The following PCED1B variants were observed in gnomAD, a reference collection of about 807,000 sequenced individuals.
The protein encoded by PCED1B is PC-esterase domain containing 1B.
For synonymous variants in PCED1B, 251 were observed against 246.1 expected, an observed-to-expected ratio of 1.02 and a Z score of -0.19; for missense variants, 573 against 573.9, an observed-to-expected ratio of 1.00 and a Z score of 0.02.
chr12:47,231,907 T>C (rs1943819954), intron 3 of PCED1B, among the ~76,000 whole-genome samples: 1 of 152,148 alleles, frequency 6.6e-6, no homozygotes, highest in Non-Finnish European at 1.5e-5. Flanking sequence ...CGTCTTCACA[T>C]TTTGCACTTT....
chr12:47,127,576 G>C (rs1425874212), intron 2 of PCED1B, among the ~76,000 whole-genome samples: 4 of 151,716 alleles, frequency 2.6e-5, no homozygotes, highest in Non-Finnish European at 5.9e-5. Context: ...GTGTTAGCCA[G>C]GATGGTCTCG....
intron 2 of PCED1B, among the ~76,000 whole-genome samples, chr12:47,169,473 A>G (rs1457261418): frequency 2.0e-5 from 3 of 152,138 alleles, no homozygotes; most frequent in Non-Finnish European, 4.4e-5. Context: ...AAGCTGCCAT[A>G]TTTTGGGGTA....
rs545704466 is a variant in PCED1B at position 47,168,314 on chromosome 12, A to G, written c.-525-47908A>G. Among the ~76,000 whole-genome samples the G allele has an allele frequency of 5.3e-5, 8 of 152,296 alleles. No homozygotes were observed. In the East Asian group the frequency reaches 1.5e-3, roughly 29 times the overall value. ...TTGTGTTAGCTTATATTTTGCAAGA[A>G]CATCATTTATTCCCTGTAGGTTTTT... is the stretch of plus-strand genomic sequence containing the variant. On this transcript the variant is annotated intron_variant, in intron 2 of 3. Coordinates refer to ENST00000546455, the MANE Select transcript of PCED1B (RefSeq NM_138371.3).
intron 2 of PCED1B, among the ~76,000 whole-genome samples, chr12:47,154,363 GGTTTT>G (rs1374803153): frequency 3.9e-5 from 6 of 152,014 alleles, no homozygotes; most frequent in Non-Finnish European, 5.9e-5. Flanking sequence ...AGGGAGCTGG[GGTTTT>G]GTTTTGTTTT....
intron 2 of PCED1B, among the ~76,000 whole-genome samples, chr12:47,200,896 G>C (rs927146227): frequency 1.3e-5 from 2 of 152,176 alleles, no homozygotes. Context: ...TTTAAATTCT[G>C]TTTCCCCAGT....
At chr12:47,161,649 T>A (rs1941382127) in intron 2 of PCED1B, among the ~76,000 whole-genome samples, 1 of 152,178 alleles carries the variant, frequency 6.6e-6, no homozygotes, top group Non-Finnish European at 1.5e-5. Flanking sequence ...ATAGGAACAC[T>A]TTTACACCAT....
chr12:47,200,013 G>C (rs1163829461), intron 2 of PCED1B, among the ~76,000 whole-genome samples: 1 of 151,864 alleles, frequency 6.6e-6, no homozygotes, highest in Non-Finnish European at 1.5e-5. Context: ...GGGCAACATG[G>C]TGAAACCACA....
intron 2 of PCED1B, among the ~76,000 whole-genome samples, chr12:47,113,402 G>C (rs1233899928): frequency 6.6e-6 from 1 of 152,144 alleles, no homozygotes; most frequent in Non-Finnish European, 1.5e-5. Flanking sequence ...ACCATGACAT[G>C]ATGAGGCATT....
In PCED1B at chr12:47,235,057, G is replaced by A; in HGVS notation, c.-7G>A. 6.6e-7 allele frequency: 1 copy of A among 1,523,068 alleles called. No homozygotes were observed. The highest frequency in any genetic ancestry group is 8.8e-7 in the Non-Finnish European group (1 of 1,137,522). 94.3% of individuals were successfully genotyped at this position (1,523,068 alleles called of 1,614,324 possible). ...AGGAAGGAGCTAGGCTGTGCGCCCT[G>A]GGCGTCATGATCCTTCTGCGGGCCT... On this transcript the variant is annotated 5_prime_UTR_variant, in exon 4 of 4. Coordinates refer to ENST00000546455, the MANE Select transcript of PCED1B (RefSeq NM_138371.3).
intron 2 of PCED1B, among the ~76,000 whole-genome samples, chr12:47,213,056 C>T (rs1227924301): frequency 1.3e-5 from 2 of 152,176 alleles, no homozygotes; most frequent in Non-Finnish European, 2.9e-5. Flanking sequence ...TCATTCCATC[C>T]ATCCTGAATA....
Position 47,236,095 on chromosome 12 carries a change from A to G in PCED1B, c.1032A>G (p.Ser344=), listed in dbSNP as rs745664723. 1.2e-6 allele frequency: 2 copies of G among 1,613,926 alleles called. No individual in the cohort carries two copies. The highest frequency in any genetic ancestry group is 2.2e-5 in the East Asian group (1 of 44,872). ...PQGPPDACFS[S]DHTFQSDQFY... The stretch of plus-strand genomic sequence containing the variant: ...GTCCCCCAGATGCCTGTTTTTCCTC[A>G]GACCATACTTTCCAGTCGGATCAAT... Residue 344 remains serine (S), a synonymous_variant, in exon 4 of 4, where the codon TCA becomes TCG. Transcript: ENST00000546455.
At chr12:47,134,040 G>C (rs746594718) in intron 2 of PCED1B, among the ~76,000 whole-genome samples, 1 of 152,148 alleles carries the variant, frequency 6.6e-6, no homozygotes, top group Non-Finnish European at 1.5e-5. Context: ...ATGAATTTCT[G>C]TTGTTTATAA....
intron 2 of PCED1B, among the ~76,000 whole-genome samples, chr12:47,183,922 G>C (rs1200417112): frequency 6.6e-6 from 1 of 152,184 alleles, no homozygotes; most frequent in Non-Finnish European, 1.5e-5. Flanking sequence ...TAGGCAGTGG[G>C]GATACTGCAT....
intron 1 of PCED1B, among the ~76,000 whole-genome samples, chr12:47,089,259 G>A (rs1218582537): frequency 2.6e-5 from 4 of 151,542 alleles, no homozygotes; most frequent in African/African-American, 7.3e-5. Flanking sequence ...TGGCTAACAC[G>A]GTGAAACCGA....
rs61927687 is a variant in PCED1B at position 47,112,866 on chromosome 12, G to A, written c.-526+8671G>A. Among the ~76,000 whole-genome samples, 4 of 152,266 alleles carry A rather than the reference G, an allele frequency of 2.6e-5. No individual in the cohort carries two copies. In the East Asian group the frequency reaches 7.7e-4, roughly 29 times the overall value. The stretch of plus-strand genomic sequence containing the variant: ...TAAAGTTTCATTTTTACAGTAAAGA[G>A]CCTCAGCCTGCAGAGAGCGGTAACA... On this transcript the variant is annotated intron_variant, in intron 2 of 3. Coordinates refer to ENST00000546455, the MANE Select transcript of PCED1B (RefSeq NM_138371.3).
chr12:47,177,868 A>G (rs953492541), intron 2 of PCED1B, among the ~76,000 whole-genome samples: 4 of 151,246 alleles, frequency 2.6e-5, no homozygotes, highest in Non-Finnish European at 5.9e-5. Context: ...AATCGCTTGA[A>G]CTCGGTAGGT....
At chr12:47,168,899 G>GT (rs928263117) in intron 2 of PCED1B, among the ~76,000 whole-genome samples, 2 of 151,938 alleles carry the variant, frequency 1.3e-5, no homozygotes, top group Admixed American at 6.6e-5. Context: ...AAAAAGTTAA[G>GT]TTTTTTCAAC....
chr12:47,225,549 C>G (rs1943608639), intron 3 of PCED1B, among the ~76,000 whole-genome samples: 1 of 152,126 alleles, frequency 6.6e-6, no homozygotes, highest in African/African-American at 2.4e-5. Context: ...GAAAACTAAG[C>G]AAATGCTGAC....
At chr12:47,100,452 G>T (rs894913472) in intron 1 of PCED1B, among the ~76,000 whole-genome samples, 4 of 152,084 alleles carry the variant, frequency 2.6e-5, no homozygotes, top group African/African-American at 9.7e-5. Flanking sequence ...TACTAAAAAA[G>T]ATATTAGGAA....
Sources: gnomAD v4.1 joint callset for allele counts (sites outside exome capture counted in the v4.1 genomes callset) on GRCh38, gnomAD v4.1.1 for gene constraint, MANE v1.5 for transcripts, NCBI Gene and HGNC (gene_info 2026-07-23, HGNC 2026-07-21) for gene names.